HEATR5A: variants seen among roughly 807,000 people sequenced by gnomAD.
HEATR5A encodes the protein HEAT repeat containing 5A.
In HEATR5A, 178 loss-of-function variants were observed where a neutral mutation model predicts 218.8. That is an observed-to-expected ratio of 0.81 (90% CI 0.72 to 0.92). HEATR5A has a LOEUF of 0.92. HEATR5A is among the 40% of genes least tolerant of loss of function. HEATR5A has a pLI of 0.00. For synonymous variants in HEATR5A, 864 were observed against 871.6 expected, an observed-to-expected ratio of 0.99 and a Z score of 0.15; for missense variants, 2,420 against 2,418.9, an observed-to-expected ratio of 1.00 and a Z score of -0.01.
chr14:31,417,437 T>G (rs536982555), intron 1 of HEATR5A, among the ~76,000 whole-genome samples: 2 of 151,978 alleles, frequency 1.3e-5, no homozygotes, highest in Non-Finnish European at 2.9e-5. Context: ...CAAAAAAAAT[T>G]AGCCGGGCGT....
At chr14:31,371,643 A>C (rs764325548) in intron 13 of HEATR5A, 167 bp downstream of exon 13, 51 of 415,208 alleles carry the variant, frequency 1.2e-4, no homozygotes, top group Non-Finnish European at 1.8e-4. Context: ...TTCCCTTTTA[A>C]TATGTAATTT....
At chr14:31,338,005 A>G (rs1318684986) in intron 21 of HEATR5A, among the ~76,000 whole-genome samples, 1 of 152,184 alleles carries the variant, frequency 6.6e-6, no homozygotes, top group Non-Finnish European at 1.5e-5. Flanking sequence ...TCTAAGCAGA[A>G]ATTTATACAC....
At chr14:31,373,483 C>A (rs935549284) in intron 12 of HEATR5A, among the ~76,000 whole-genome samples, 38 of 151,956 alleles carry the variant, frequency 2.5e-4, no homozygotes, top group African/African-American at 8.9e-4. Context: ...CGCCCACCAC[C>A]ACATCTGGCT....
chr14:31,393,707 G>GTGCCA (rs1344604738), intron 6 of HEATR5A, among the ~76,000 whole-genome samples: 3 of 151,510 alleles, frequency 2.0e-5, no homozygotes, highest in African/African-American at 7.3e-5. Flanking sequence ...GGCTGAGATT[G>GTGCCA]TGCAGTGGCG....
chr14:31,323,282 T>C (rs1199374045), intron 24 of HEATR5A, among the ~76,000 whole-genome samples: 1 of 152,082 alleles, frequency 6.6e-6, no homozygotes, highest in Non-Finnish European at 1.5e-5. Context: ...TGCCTCAGCC[T>C]CCCCAGTAGC....
intron 11 of HEATR5A, among the ~76,000 whole-genome samples, chr14:31,379,113 T>C (rs558550820): frequency 1.2e-3 from 182 of 150,938 alleles, no homozygotes; most frequent in Non-Finnish European, 1.9e-3. Flanking sequence ...GGCTAATTTT[T>C]GTATTTTTTT....
chr14:31,329,092 TG>T (rs1321755930), intron 22 of HEATR5A, among the ~76,000 whole-genome samples: 1 of 152,012 alleles, frequency 6.6e-6, no homozygotes, highest in African/African-American at 2.4e-5. Context: ...GAGAACAGCA[TG>T]GGGGAAACTG....
At chr14:31,296,149 T>G (rs1214959598) in intron 33 of HEATR5A, 86 bp from the exon 34 acceptor site, 7 of 1,092,564 alleles carry the variant, frequency 6.4e-6, no homozygotes, top group Non-Finnish European at 9.4e-6. Context: ...GTAGTAACAG[T>G]TTGGTGTACA....
At chr14:31,394,314 C>A in intron 5 of HEATR5A, 88 bp from the exon 6 acceptor site, 1 of 659,534 alleles carries the variant, frequency 1.5e-6, no homozygotes, top group Non-Finnish European at 2.3e-6. Context: ...CTATCAGCGT[C>A]TAACAAATAA....
intron 16 of HEATR5A, among the ~76,000 whole-genome samples, chr14:31,352,988 A>T (rs1324542704): frequency 1.3e-5 from 2 of 151,640 alleles, no homozygotes; most frequent in African/African-American, 4.8e-5. Flanking sequence ...AAATAAAAAT[A>T]AAATGTAATA....
intron 12 of HEATR5A, among the ~76,000 whole-genome samples, chr14:31,373,559 G>C (rs1236363981): frequency 2.0e-5 from 3 of 152,078 alleles, no homozygotes; most frequent in Non-Finnish European, 4.4e-5. Context: ...TCAAACTCCT[G>C]ACCTCAGGTG....
intron 16 of HEATR5A, among the ~76,000 whole-genome samples, chr14:31,357,244 T>C (rs1004613689): frequency 4.6e-5 from 7 of 152,368 alleles, no homozygotes; most frequent in Admixed American, 4.6e-4. Context: ...TCATTCACTT[T>C]TCTATGCAAT....
At position 31,306,899 on chromosome 14, in the gene HEATR5A, C is replaced by T. The variant is rs1293065410; in HGVS notation, c.4819-20G>A. 1.3e-6 allele frequency: 2 copies of T among 1,570,772 alleles called. No individual in the cohort carries two copies. The highest frequency in any genetic ancestry group is 1.8e-5 in the Admixed American group (1 of 55,710). On this transcript the variant is annotated intron_variant, in intron 30 of 35. Coordinates refer to ENST00000543095, the MANE Select transcript of HEATR5A (RefSeq NM_015473.4). ...CAAGTCCTATCATGGAAATCATGTA[C>T]AGGACACTGTATTAGAAATTATACA...
Position 31,358,003 on chromosome 14 carries a change from G to A in HEATR5A, c.2411+634C>T, listed in dbSNP as rs1052317072. Among the ~76,000 whole-genome samples, 4 of 152,190 alleles carry A rather than the reference G, an allele frequency of 2.6e-5. No individual in the cohort carries two copies. In the South Asian group the frequency reaches 6.2e-4, roughly 24 times the overall value. On this transcript the variant is annotated intron_variant, in intron 16 of 35. Transcript: ENST00000543095. ...GAGCCAAACTCTTGTCAGATCAGCAGTGGCATTAGATTCTCACAGGAGTGT... is the reference window on the plus strand; with the variant it reads ...GAGCCAAACTCTTGTCAGATCAGCAATGGCATTAGATTCTCACAGGAGTGT...
At chr14:31,320,555 G>A in intron 25 of HEATR5A, 1 of 917,808 alleles carries the variant, frequency 1.1e-6, no homozygotes, top group Admixed American at 1.7e-5. Context: ...CAAGGAGAAG[G>A]CAGACACAGG....
At chr14:31,407,092 C>A (rs1399752740) in intron 1 of HEATR5A, among the ~76,000 whole-genome samples, 3 of 151,320 alleles carry the variant, frequency 2.0e-5, no homozygotes, top group African/African-American at 7.3e-5. Flanking sequence ...GAGTTCAAGA[C>A]CAGCCTGAGC....
intron 19 of HEATR5A, among the ~76,000 whole-genome samples, chr14:31,345,622 G>A (rs543550165): frequency 6.6e-6 from 1 of 152,232 alleles, no homozygotes; most frequent in South Asian, 2.1e-4. Context: ...CAACAATATG[G>A]ACAAATCTCT....
At chr14:31,416,954 T>C (rs1184436219) in intron 1 of HEATR5A, among the ~76,000 whole-genome samples, 1 of 151,968 alleles carries the variant, frequency 6.6e-6, no homozygotes, top group Admixed American at 6.6e-5. Context: ...ATACAAAATA[T>C]TAGCTGGGCA....
intron 3 of HEATR5A, among the ~76,000 whole-genome samples, chr14:31,400,053 T>G (rs1340171817): frequency 5.9e-5 from 9 of 152,186 alleles, no homozygotes; most frequent in Non-Finnish European, 1.5e-5. Context: ...AACACTCAAC[T>G]GCTAAAATTT....
Sources: gnomAD v4.1 joint callset for allele counts (sites outside exome capture counted in the v4.1 genomes callset) on GRCh38, gnomAD v4.1.1 for gene constraint, MANE v1.5 for transcripts, NCBI Gene and HGNC (gene_info 2026-07-23, HGNC 2026-07-21) for gene names.